The following NKAIN2 variants were observed in gnomAD, a reference collection of about 807,000 sequenced individuals.
NKAIN2 encodes sodium/potassium transporting ATPase interacting 2, also known as sodium/potassium-transporting ATPase subunit beta-1-interacting protein 2.
NKAIN2 carries 14 observed loss-of-function variants against 32.6 expected under a neutral mutation model. That is an observed-to-expected ratio of 0.43 (90% CI 0.28 to 0.67). The LOEUF (loss-of-function observed/expected upper bound fraction) is 0.67, where lower values mean the gene tolerates loss of function less well. Among genes scored for constraint, NKAIN2 ranks in the 30% least tolerant of loss-of-function variants. The pLI is 0.17. For missense variants in NKAIN2, 198 were observed against 258.3 expected (o/e 0.77, Z 1.60); for synonymous variants, 80 against 87.2 (o/e 0.92, Z 0.46).
intron 1 of NKAIN2, among the ~76,000 whole-genome samples, chr6:124,096,346 G>T (rs1784644352): frequency 6.6e-6 from 1 of 152,034 alleles, no homozygotes. Flanking sequence ...AATATCTCCA[G>T]GATACATACA....
intron 1 of NKAIN2, among the ~76,000 whole-genome samples, chr6:124,259,298 G>C (rs772474854): frequency 6.6e-6 from 1 of 152,164 alleles, no homozygotes; most frequent in East Asian, 1.9e-4. Context: ...AAAGCAGAGA[G>C]GGGTACAGAA....
At chr6:124,274,896 A>G (rs1389848554) in intron 1 of NKAIN2, among the ~76,000 whole-genome samples, 2 of 152,116 alleles carry the variant, frequency 1.3e-5, no homozygotes, top group Non-Finnish European at 2.9e-5. Flanking sequence ...GCATACACAC[A>G]CACTCACATA....
chr6:123,961,234 C>G (rs1450730898), intron 1 of NKAIN2, among the ~76,000 whole-genome samples: 1 of 152,010 alleles, frequency 6.6e-6, no homozygotes, highest in Non-Finnish European at 1.5e-5. Context: ...TCTCCTGTGT[C>G]TCATTTTCTA....
At chr6:124,262,021 G>A (rs998946295) in intron 1 of NKAIN2, among the ~76,000 whole-genome samples, 3 of 151,950 alleles carry the variant, frequency 2.0e-5, no homozygotes, top group South Asian at 2.1e-4. Context: ...GAAAATTTGC[G>A]TGTGCCACTC....
intron 3 of NKAIN2, among the ~76,000 whole-genome samples, chr6:124,620,350 T>G (rs1407988209): frequency 6.6e-6 from 1 of 152,210 alleles, no homozygotes; most frequent in Non-Finnish European, 1.5e-5. Context: ...TCATAGTTTA[T>G]GTATTGTGTA....
chr6:124,490,408 A>G lies in NKAIN2; in HGVS notation c.273+135061A>G, dbSNP rs1234350199. 1.4e-5 allele frequency: 5 copies of G among 357,564 alleles called. No individual in the cohort carries two copies. The Admixed American group carries it at 1.6e-4, about 11-fold the overall frequency. 22.1% of individuals were successfully genotyped at this position (357,564 alleles called of 1,614,324 possible). A position where few individuals can be genotyped will look rare whatever the true frequency, so the allele number is the denominator to read the frequency against. On this transcript the variant is annotated intron_variant, in intron 3 of 6. Transcript: ENST00000368417. Reference sequence around the variant, plus strand: ...AAGGAAACAGACCGTATAGAATCATAGAGGTTTTTTTTTTTTTTTTTTAAG... The same window carrying G: ...AAGGAAACAGACCGTATAGAATCATGGAGGTTTTTTTTTTTTTTTTTTAAG...
rs377103696 is a variant in NKAIN2, at chr6:123,822,284, A to C, written c.54+18030A>C. Among the ~76,000 whole-genome samples, 11 of 151,876 alleles carry C rather than the reference A, an allele frequency of 7.2e-5. No individual in the cohort carries two copies. In the South Asian group the frequency reaches 1.9e-3, roughly 26 times the overall value. On this transcript the variant is annotated intron_variant, in intron 1 of 6. Coordinates refer to ENST00000368417, the MANE Select transcript of NKAIN2 (RefSeq NM_001040214.3). ...TACTCTTCTCTTTGCATTTCCTAAC[A>C]TTGGACATTTCTGAAGGCCTAGTTC...
At chr6:124,624,159 A>ACAT (rs1165036322) in intron 3 of NKAIN2, among the ~76,000 whole-genome samples, 14 of 152,178 alleles carry the variant, frequency 9.2e-5, no homozygotes, top group African/African-American at 3.1e-4. Flanking sequence ...TTAAGTAAAG[A>ACAT]CATCAGTCTA....
intron 3 of NKAIN2, among the ~76,000 whole-genome samples, chr6:124,607,826 TTCTA>T (rs935141601): frequency 2.6e-5 from 4 of 152,150 alleles, no homozygotes; most frequent in Non-Finnish European, 5.9e-5. Flanking sequence ...CATACAACCA[TTCTA>T]TCTTTCACTT....
chr6:124,417,298 G>T (rs1774534358), intron 3 of NKAIN2, among the ~76,000 whole-genome samples: 1 of 152,020 alleles, frequency 6.6e-6, no homozygotes, highest in African/African-American at 2.4e-5. Flanking sequence ...GAATCAAATG[G>T]AAATTTCAGA....
chr6:124,654,540 G>A (rs1784472144), intron 3 of NKAIN2, among the ~76,000 whole-genome samples: 1 of 152,024 alleles, frequency 6.6e-6, no homozygotes, highest in Non-Finnish European at 1.5e-5. Context: ...TTAGAGTTTG[G>A]TGTTACCATT....
intron 1 of NKAIN2, among the ~76,000 whole-genome samples, chr6:124,133,314 G>A (rs1041754046): frequency 1.3e-5 from 2 of 152,186 alleles, no homozygotes; most frequent in African/African-American, 4.8e-5. Flanking sequence ...GTGCCTGTCT[G>A]ATCTGAATAC....
intron 3 of NKAIN2, among the ~76,000 whole-genome samples, chr6:124,487,552 G>T (rs545495793): frequency 3.3e-5 from 5 of 152,194 alleles, no homozygotes; most frequent in South Asian, 2.1e-4. Flanking sequence ...TAAGGAATAC[G>T]CATTTGAATA....
intron 1 of NKAIN2, among the ~76,000 whole-genome samples, chr6:124,043,460 TC>T (rs1562325565): frequency 6.6e-6 from 1 of 152,068 alleles, no homozygotes; most frequent in Non-Finnish European, 1.5e-5. Flanking sequence ...CAGTGGCTAA[TC>T]TAAAAGTTTT....
chr6:124,191,035 G>A (rs904375823), intron 1 of NKAIN2, among the ~76,000 whole-genome samples: 50 of 152,102 alleles, frequency 3.3e-4, no homozygotes, highest in African/African-American at 1.1e-3. Flanking sequence ...CTCAAAGTCC[G>A]TGGTTTATGT....
chr6:124,751,053 T>G (rs2114710748), intron 4 of NKAIN2, among the ~76,000 whole-genome samples: 1 of 152,154 alleles, frequency 6.6e-6, no homozygotes, highest in East Asian at 1.9e-4. Flanking sequence ...TACTGTAGAC[T>G]TTGTAGTGTC....
intron 1 of NKAIN2, among the ~76,000 whole-genome samples, chr6:124,204,270 T>C (rs1231898567): frequency 1.3e-5 from 2 of 151,882 alleles, no homozygotes; most frequent in African/African-American, 2.4e-5. Flanking sequence ...AAGTTGACTG[T>C]AGTAAATTAT....
chr6:124,330,323 C>G (rs967321087), intron 2 of NKAIN2, among the ~76,000 whole-genome samples: 3 of 152,126 alleles, frequency 2.0e-5, no homozygotes, highest in Non-Finnish European at 4.4e-5. Context: ...GATTTGCATA[C>G]AAGCAATTTA....
At chr6:124,695,717 T>C (rs1429879923) in intron 4 of NKAIN2, among the ~76,000 whole-genome samples, 1 of 152,070 alleles carries the variant, frequency 6.6e-6, no homozygotes, top group Non-Finnish European at 1.5e-5. Context: ...AAAAAGGAAA[T>C]GGAATGCAAA....
Sources: allele counts gnomAD v4.1 joint callset (sites outside exome capture counted in the v4.1 genomes callset), GRCh38; gene constraint gnomAD v4.1.1; transcripts MANE v1.5; gene names NCBI Gene and HGNC (gene_info 2026-07-23, HGNC 2026-07-21).